The following DRG2 variants were observed in gnomAD, a reference collection of about 807,000 sequenced individuals.
DRG2 encodes the protein developmentally regulated GTP binding protein 2.
A neutral mutation model predicts 53.4 loss-of-function variants in DRG2; 36 were observed. The ratio of observed to expected loss-of-function variants is 0.67; its 90% CI spans 0.52 to 0.89. The LOEUF (loss-of-function observed/expected upper bound fraction) is 0.89, where lower values mean the gene tolerates loss of function less well. DRG2 is among the 40% of genes least tolerant of loss of function. The probability of loss-of-function intolerance (pLI) is 0.00; values close to 1 mark genes in which losing one functional copy is unlikely to be tolerated. For synonymous variants in DRG2, 167 were observed against 192.1 expected, an observed-to-expected ratio of 0.87 and a Z score of 1.08; for missense variants, 342 against 481.2, an observed-to-expected ratio of 0.71 and a Z score of 2.71.
intron 12 of DRG2, 74 bp from the exon 13 acceptor site, chr17:18,107,080 A>C (rs2045653737): frequency 1.4e-6 from 2 of 1,406,302 alleles, no homozygotes; most frequent in Non-Finnish European, 2.0e-6. Context: ...CAGGACACAC[A>C]CGCCCAGGGA....
Position 18,100,389 on chromosome 17 carries a change from C to A in DRG2, c.494C>A (p.Ser165Tyr). The A allele has an allele frequency of 1.1e-5, 18 of 1,614,194 alleles. No homozygotes were observed. The highest frequency in any genetic ancestry group is 1.5e-5 in the Non-Finnish European group (18 of 1,180,034). Residue 165 changes from serine to tyrosine, a missense_variant, in exon 6 of 13, where the codon TCT (serine) becomes TAT (tyrosine). Transcript: ENST00000225729. The surrounding 1 kb of genome is among the most constrained non-coding windows in gnomAD (Gnocchi z 4.1). The part of the protein sequence containing the change: ...QRSLLEKELE[S>Y]VGIRLNKHKP... ...TCTCTGCTGGAGAAGGAGCTGGAGT[C>A]TGTGGGCATCCGCCTCAACAAGCAC...
At position 18,104,663 on chromosome 17, in the gene DRG2, G is replaced by T. The variant is rs765083311; in HGVS notation, c.936G>T (p.Gly312=). The T allele has an allele frequency of 6.2e-7, 1 of 1,613,890 alleles. No homozygotes were observed. The highest frequency in any genetic ancestry group is 1.1e-5 in the South Asian group (1 of 91,084). ...CAGACGCCATCATTCTCCGGAAAGG[G>T]GCCTCAGTGGAGCACGTGGTGAGTT... ...DFTDAIILRK[G]ASVEHVCHRI... is the part of the protein sequence containing the mutation. The change falls in exon 11 of 13, where the codon GGG becomes GGT. Residue 312 remains glycine, a synonymous_variant. Transcript: ENST00000225729.
chr17:18,090,087 A>G (rs2045286974), intron 1 of DRG2, among the ~76,000 whole-genome samples: 1 of 151,940 alleles, frequency 6.6e-6, no homozygotes, highest in South Asian at 2.1e-4. Context: ...CAAAGGAGAT[A>G]TAAAGGTGAT....
In DRG2 at chr17:18,103,819, C is replaced by T. The variant is rs1259027578; in HGVS notation, c.825C>T (p.Asn275=). 6.2e-7 allele frequency: 1 copy of T among 1,614,046 alleles called. No individual in the cohort carries two copies. The highest frequency in any genetic ancestry group is 8.5e-7 in the Non-Finnish European group (1 of 1,180,048). The part of the protein sequence containing the change: ...SVVISCGMKL[N]LDYLLEMLWE... ...TTTGCAGCTGCGGCATGAAGCTGAA[C>T]CTGGACTATCTGCTGGAGATGCTTT... Residue 275 remains asparagine (N), a synonymous_variant, in exon 10 of 13, where the codon AAC becomes AAT. Coordinates refer to ENST00000225729, the MANE Select transcript of DRG2 (RefSeq NM_001388.5). This position sits in a 1 kb window ranked among gnomAD's most constrained non-coding sequence, Gnocchi z 4.4.
chr17:18,098,207 TG>T lies in DRG2; in HGVS notation c.226-59del. ...CCTGCACCTGCAGGCCCCCAGCCCC[TG>T]GGGCCTCTCCCAGAAGGCCAGGGAC... is the stretch of plus-strand genomic sequence containing the variant. On this transcript the variant is annotated intron_variant, in intron 2 of 12. Transcript: ENST00000225729. The surrounding 1 kb of genome is among the most constrained non-coding windows in gnomAD (Gnocchi z 4.1). 2 of 1,423,958 alleles carry T rather than the reference TG, an allele frequency of 1.4e-6. No homozygotes were observed. Among genetic ancestry groups the T allele is most frequent in the Non-Finnish European group, 2.0e-6 (2 of 1,011,064 alleles). The allele number at this position is 1,423,958 out of a possible 1,614,324, so 88.2% of individuals were successfully genotyped here.
rs1382936974 is a variant in DRG2 at position 18,107,149 on chromosome 17, C to T, written c.1009-5C>T. 1.9e-6 allele frequency: 3 copies of T among 1,613,240 alleles called. No homozygotes were observed. Among genetic ancestry groups the T allele is most frequent in the East Asian group, 2.2e-5 (1 of 44,878 alleles). On this transcript the variant is annotated splice_polypyrimidine_tract_variant and splice_region_variant and intron_variant, in intron 12 of 12. Coordinates refer to ENST00000225729, the MANE Select transcript of DRG2 (RefSeq NM_001388.5). ...GTGACCCCTCTGCCCCCATTCCTCA[C>T]CCAGGGCACCAGCACCAAGTACAGT...
intron 2 of DRG2, chr17:18,097,743 G>A (rs2045457417): frequency 6.6e-6 from 1 of 152,378 alleles, no homozygotes; most frequent in African/African-American, 2.4e-5. Context: ...CACAGTGAAC[G>A]GTGGTCTGAG....
chr17:18,090,187 C>CT (rs764657114), intron 1 of DRG2, among the ~76,000 whole-genome samples: 1,843 of 70,184 alleles, frequency 0.026, 21 homozygotes, highest in East Asian at 0.093. Flanking sequence ...ACACTGAATC[C>CT]TTTTTTTTTT....
At chr17:18,090,159 G>GCCA (rs144600031) in intron 1 of DRG2, among the ~76,000 whole-genome samples, 2,704 of 149,790 alleles carry the variant, frequency 0.018, 71 homozygotes, top group African/African-American at 0.054. Flanking sequence ...GACAGGAAGG[G>GCCA]CCATGTGTAC....
intron 1 of DRG2, 53 bp downstream of exon 1, chr17:18,088,140 C>A: frequency 6.6e-7 from 1 of 1,519,872 alleles, no homozygotes; most frequent in South Asian, 1.2e-5. Context: ...GTTTTCCTGT[C>A]TGTAAAATGG....
Position 18,100,610 on chromosome 17 carries a change from G to A in DRG2, c.582G>A (p.Thr194=), listed in dbSNP as rs552176830. 1.4e-5 allele frequency: 23 copies of A among 1,614,140 alleles called. No homozygotes were observed. In the South Asian group the frequency reaches 1.9e-4, roughly 13 times the overall value. ...GCATCTCCTTTAACTCGACAGTCAC[G>A]CTGACCCAGTGCTCGGAAAAGCTGG... ...GGGISFNSTV[T]LTQCSEKLVQ... is the part of the protein sequence containing the mutation. The change falls in exon 7 of 13, where the codon ACG becomes ACA. Residue 194 remains threonine (T), a synonymous_variant. Transcript: ENST00000225729. The surrounding 1 kb of genome is among the most constrained non-coding windows in gnomAD (Gnocchi z 4.1).
chr17:18,091,682 C>T lies in DRG2; in HGVS notation c.65-2131C>T, dbSNP rs994070158. Among the ~76,000 whole-genome samples the T allele has an allele frequency of 2.6e-5, 4 of 151,630 alleles. No individual in the cohort carries two copies. The Admixed American group carries it at 2.6e-4, about 10-fold the overall frequency. The stretch of plus-strand genomic sequence containing the variant: ...GACCAGACTGACCAACATGGAGAAA[C>T]CCCATCTCCATTAAAAATACAAAAA... On this transcript the variant is annotated intron_variant, in intron 1 of 12. Transcript: ENST00000225729.
At chr17:18,106,402 CCT>C (rs2045632451) in intron 11 of DRG2, 29 bp from the exon 12 acceptor site, 1 of 1,613,636 alleles carries the variant, frequency 6.2e-7, no homozygotes, top group East Asian at 2.2e-5. Context: ...TGAAGCCTCA[CCT>C]CTCTACCTGA....
intron 8 of DRG2, 25 bp from the exon 9 acceptor site, chr17:18,101,896 C>T: frequency 6.2e-7 from 1 of 1,601,688 alleles, no homozygotes; most frequent in Non-Finnish European, 8.5e-7. Flanking sequence ...GTCCTCAGCA[C>T]CGGCCTCCAC....
rs2045488403 is a variant in DRG2, at chr17:18,099,446, T to G, written c.377-187T>G. The stretch of plus-strand genomic sequence containing the variant: ...CCTGTTACTCCTTTTATGATGGTGG[T>G]GTCGGATTTTCTTCTGAAATAAGTC... On this transcript the variant is annotated intron_variant, in intron 4 of 12. Coordinates refer to ENST00000225729, the MANE Select transcript of DRG2 (RefSeq NM_001388.5). This position sits in a 1 kb window ranked among gnomAD's most constrained non-coding sequence, Gnocchi z 4.4. 1 of 669,422 alleles carries G rather than the reference T, an allele frequency of 1.5e-6. No homozygotes were observed. Among genetic ancestry groups the G allele is most frequent in the Non-Finnish European group, 2.6e-6 (1 of 377,838 alleles). The allele number at this position is 669,422 out of a possible 1,614,324, so 41.5% of individuals were successfully genotyped here.
rs1462521502 is a variant in DRG2 at position 18,103,042 on chromosome 17, A to C, written c.807-759A>C. Among the ~76,000 whole-genome samples the C allele has an allele frequency of 1.3e-5, 2 of 152,162 alleles. No individual in the cohort carries two copies. The highest frequency in any genetic ancestry group is 2.9e-5 in the Non-Finnish European group (2 of 68,026). Reference sequence around the variant, plus strand: ...GGATGAGGGTCCCGGCCTGAGCACAAGGACCATTTTGTGGTGGTTGTAGCC... The same window carrying C: ...GGATGAGGGTCCCGGCCTGAGCACACGGACCATTTTGTGGTGGTTGTAGCC... On this transcript the variant is annotated intron_variant, in intron 9 of 12. Transcript: ENST00000225729. The surrounding 1 kb of genome is among the most constrained non-coding windows in gnomAD (Gnocchi z 4.4).
At position 18,104,655 on chromosome 17, in the gene DRG2, C is replaced by T. The variant is rs1476491698; in HGVS notation, c.928C>T (p.Arg310Trp). The T allele has an allele frequency of 4.3e-6, 7 of 1,613,758 alleles. No homozygotes were observed. The highest frequency in any genetic ancestry group is 1.7e-5 in the Admixed American group (1 of 59,998). Residue 310 changes from arginine to tryptophan, a missense_variant, in exon 11 of 13, where the codon CGG becomes TGG. Physicochemically the swap from Arg to Trp is moderately radical, Grantham distance 101. Transcript: ENST00000225729. ...AGACTTCACAGACGCCATCATTCTC[C>T]GGAAAGGGGCCTCAGTGGAGCACGT... ...RPDFTDAIIL[R>W]KGASVEHVCH...
rs746904743 is a variant in DRG2, at chr17:18,101,985, G to A, written c.794G>A (p.Ser265Asn). 2 of 1,610,194 alleles carry A rather than the reference G, an allele frequency of 1.2e-6. No individual in the cohort carries two copies. Among genetic ancestry groups the A allele is most frequent in the Non-Finnish European group, 1.7e-6 (2 of 1,178,122 alleles). Residue 265 changes from serine to asparagine, a missense_variant, in exon 9 of 13, where the codon AGT becomes AAT. Ser to Asn is a conservative substitution (Grantham distance 46, BLOSUM62 1). Transcript: ENST00000225729. ...EVDRLARKPNSVVISCGMKLN... is the reference protein window; with the variant it reads ...EVDRLARKPNNVVISCGMKLN... ...GACCGCCTGGCCCGAAAACCCAACAGTGTGGTCATCAGGTGAGGCCACTGG... is the reference window on the plus strand; with the variant it reads ...GACCGCCTGGCCCGAAAACCCAACAATGTGGTCATCAGGTGAGGCCACTGG...
At chr17:18,090,407 T>TATATATATATATA (rs71155314) in intron 1 of DRG2, among the ~76,000 whole-genome samples, 1 of 19,922 alleles carries the variant, frequency 5.0e-5, no homozygotes, top group Non-Finnish European at 9.3e-5. Flanking sequence ...TATATATATA[T>TATATATATATATA]TTTTTTTTTT....
Sources: allele counts gnomAD v4.1 joint callset (sites outside exome capture counted in the v4.1 genomes callset), GRCh38; gene constraint gnomAD v4.1.1; non-coding constraint Gnocchi (gnomAD v3.1); transcripts MANE v1.5; gene names NCBI Gene and HGNC (gene_info 2026-07-23, HGNC 2026-07-21).